Variants in ZNF609 observed in about 807,000 individuals in gnomAD.
ZNF609 encodes the protein zinc finger protein 609.
In ZNF609, 11 loss-of-function variants were observed where a neutral mutation model predicts 109.5. The observed-to-expected ratio is 0.10, with a 90% confidence interval of 0.06 to 0.17. The LOEUF is 0.17. ZNF609 is among the 10% of genes least tolerant of loss of function. The pLI is 1.00. For missense variants in ZNF609, 1,559 were observed against 1,772.4 expected, an observed-to-expected ratio of 0.88 and a Z score of 2.16; for synonymous variants, 646 against 662.0, an observed-to-expected ratio of 0.98 and a Z score of 0.37.
chr15:64,627,417 A>G (rs968054983), intron 3 of ZNF609, among the ~76,000 whole-genome samples: 1 of 152,146 alleles, frequency 6.6e-6, no homozygotes, highest in African/African-American at 2.4e-5. Flanking sequence ...CTTTTTGGAC[A>G]GTAGCACTAA....
intron 2 of ZNF609, among the ~76,000 whole-genome samples, chr15:64,621,283 ATAG>A (rs1482074950): frequency 6.6e-6 from 1 of 152,218 alleles, no homozygotes; most frequent in Non-Finnish European, 1.5e-5. Context: ...CTCGAGCATA[ATAG>A]ACTTTGTCAG....
At chr15:64,524,272 T>C (rs899395344) in intron 2 of ZNF609, among the ~76,000 whole-genome samples, 11 of 152,128 alleles carry the variant, frequency 7.2e-5, no homozygotes, top group Admixed American at 7.2e-4. Flanking sequence ...AATCATACAA[T>C]CTGTGGCCTT....
intron 2 of ZNF609, among the ~76,000 whole-genome samples, chr15:64,615,077 A>G (rs556805822): frequency 3.3e-5 from 5 of 152,170 alleles, no homozygotes; most frequent in African/African-American, 9.6e-5. Flanking sequence ...TTGGCCTCCC[A>G]AAGTGCTGGG....
rs1377883833 is a variant in ZNF609, at chr15:64,514,725, G to A, written c.747+14559G>A. ...GCGATCTGGATTCACTGCAACCTCT[G>A]CCTCCCCGATTCAAGCAATTCTCCT... On this transcript the variant is annotated intron_variant, in intron 2 of 9. Coordinates refer to ENST00000326648, the MANE Select transcript of ZNF609 (RefSeq NM_015042.2). Among the ~76,000 whole-genome samples, 3 of 150,788 alleles carry A rather than the reference G, an allele frequency of 2.0e-5. No individual in the cohort carries two copies. The East Asian group carries it at 5.8e-4, about 29-fold the overall frequency.
At chr15:64,539,441 G>T (rs1024242591) in intron 2 of ZNF609, among the ~76,000 whole-genome samples, 6 of 151,428 alleles carry the variant, frequency 4.0e-5, no homozygotes, top group Admixed American at 4.0e-4. Context: ...TCTCCTGACC[G>T]CGTGATCCAC....
chr15:64,497,533 A>G (rs753810725), intron 1 of ZNF609, among the ~76,000 whole-genome samples: 18 of 152,172 alleles, frequency 1.2e-4, no homozygotes, highest in Admixed American at 8.5e-4. Context: ...ACAGATCTCT[A>G]CAAAGTTAGA....
At chr15:64,598,734 T>TTGTGTG (rs201480505) in intron 2 of ZNF609, among the ~76,000 whole-genome samples, 1 of 86,902 alleles carries the variant, frequency 1.2e-5, no homozygotes. Context: ...TCATACATCT[T>TTGTGTG]TGTGTGTGTA....
At chr15:64,558,761 A>T (rs2140401207) in intron 2 of ZNF609, among the ~76,000 whole-genome samples, 1 of 152,384 alleles carries the variant, frequency 6.6e-6, no homozygotes, top group African/African-American at 2.4e-5. Context: ...ATACAGTTCA[A>T]ACAGAAAACT....
At chr15:64,594,634 G>T (rs1389967197) in intron 2 of ZNF609, among the ~76,000 whole-genome samples, 1 of 151,846 alleles carries the variant, frequency 6.6e-6, no homozygotes, top group East Asian at 1.9e-4. Flanking sequence ...CACTGCACCT[G>T]GTCACAAAAT....
rs1235056808 is a variant in ZNF609 at position 64,680,186 on chromosome 15, T to C, written c.3771T>C (p.Gly1257=). 5.0e-6 allele frequency: 8 copies of C among 1,614,002 alleles called. No individual in the cohort carries two copies. The highest frequency in any genetic ancestry group is 6.8e-6 in the Non-Finnish European group (8 of 1,179,910). ...MPAVMMQNYP[G]SYLPSSYSFS... ...ACTGTTTGATTTCTCCTTCCACAGGTTCCTACCTGCCTTCCAGCTACTCTT... is the reference window on the plus strand; with the variant it reads ...ACTGTTTGATTTCTCCTTCCACAGGCTCCTACCTGCCTTCCAGCTACTCTT... Residue 1257 remains glycine, a splice_region_variant and synonymous_variant, in exon 7 of 10, where the codon GGT becomes GGC. Transcript: ENST00000326648.
At chr15:64,583,221 C>T (rs1053096259) in intron 2 of ZNF609, among the ~76,000 whole-genome samples, 5 of 149,908 alleles carry the variant, frequency 3.3e-5, no homozygotes, top group South Asian at 2.2e-4. Flanking sequence ...TTAGTAGAGA[C>T]GGGGTTTCAT....
intron 2 of ZNF609, among the ~76,000 whole-genome samples, chr15:64,561,528 TTTTC>T (rs978025536): frequency 6.6e-6 from 1 of 151,690 alleles, no homozygotes; most frequent in East Asian, 1.9e-4. Flanking sequence ...CTCATAATAT[TTTTC>T]TTTCTTTTCT....
intron 3 of ZNF609, among the ~76,000 whole-genome samples, chr15:64,637,872 A>G (rs1180868484): frequency 1.3e-5 from 2 of 150,616 alleles, no homozygotes; most frequent in African/African-American, 4.9e-5. Flanking sequence ...TATGTAGTCT[A>G]TTTTATCTTT....
chr15:64,551,393 C>T (rs974245115), intron 2 of ZNF609, among the ~76,000 whole-genome samples: 2 of 152,002 alleles, frequency 1.3e-5, no homozygotes, highest in African/African-American at 2.4e-5. Flanking sequence ...CGGTGGCTCA[C>T]GCCTGTAATC....
chr15:64,467,791 G>A (rs2140328014), intron 1 of ZNF609, among the ~76,000 whole-genome samples: 1 of 152,332 alleles, frequency 6.6e-6, no homozygotes, highest in East Asian at 1.9e-4. Context: ...GTTGCAGTGA[G>A]TGGAGATCGT....
chr15:64,495,722 T>C (rs1288852954), intron 1 of ZNF609, among the ~76,000 whole-genome samples: 1 of 151,724 alleles, frequency 6.6e-6, no homozygotes, highest in Non-Finnish European at 1.5e-5. Context: ...TGAATTTTAA[T>C]TGATACTGCA....
At chr15:64,667,951 A>C (rs1285094172) in intron 3 of ZNF609, among the ~76,000 whole-genome samples, 1 of 152,180 alleles carries the variant, frequency 6.6e-6, no homozygotes, top group African/African-American at 2.4e-5. Context: ...TGAGTGGAGG[A>C]GGGAAGCTTT....
In ZNF609 at chr15:64,554,175, C is replaced by T. The variant is rs191815382; in HGVS notation, c.747+54009C>T. On this transcript the variant is annotated intron_variant, in intron 2 of 9. Coordinates refer to ENST00000326648, the MANE Select transcript of ZNF609 (RefSeq NM_015042.2). Reference sequence around the variant, plus strand: ...TCCTGATTTTAAGGGGAAAGCATTCCGTTTTTACCATTAAATATGACGTTA... The same window carrying T: ...TCCTGATTTTAAGGGGAAAGCATTCTGTTTTTACCATTAAATATGACGTTA... Among the ~76,000 whole-genome samples, 88 of 152,154 alleles carry T rather than the reference C, an allele frequency of 5.8e-4. 1 individual carries two copies. Among genetic ancestry groups the T allele is most frequent in the African/African-American group, 1.7e-3 (70 of 41,530 alleles).
At chr15:64,646,515 C>T (rs1896335793) in intron 3 of ZNF609, among the ~76,000 whole-genome samples, 1 of 150,576 alleles carries the variant, frequency 6.6e-6, no homozygotes, top group African/African-American at 2.5e-5. Flanking sequence ...ACACCTGTAA[C>T]CCTAGCTACA....
Sources: gnomAD v4.1 joint callset for allele counts (sites outside exome capture counted in the v4.1 genomes callset) on GRCh38, gnomAD v4.1.1 for gene constraint, MANE v1.5 for transcripts, NCBI Gene and HGNC (gene_info 2026-07-23, HGNC 2026-07-21) for gene names.